GULP1: variants seen among roughly 807,000 people sequenced by gnomAD.
GULP1 encodes the protein GULP PTB domain containing engulfment adaptor 1.
GULP1 carries 19 observed loss-of-function variants against 40.9 expected under a neutral mutation model. The observed-to-expected ratio is 0.46, with a 90% CI of 0.32 to 0.68. The LOEUF (loss-of-function observed/expected upper bound fraction) is 0.68. GULP1 is among the 30% of genes least tolerant of loss of function. GULP1 has a pLI of 0.03. For synonymous variants in GULP1, 119 were observed against 117.6 expected, an observed-to-expected ratio of 1.01 and a Z score of -0.08; for missense variants, 312 against 362.2, an observed-to-expected ratio of 0.86 and a Z score of 1.12.
At chr2:188,542,125 A>T (rs1690687770) in intron 7 of GULP1, 1 of 152,006 alleles carries the variant, frequency 6.6e-6, no homozygotes, top group Non-Finnish European at 1.5e-5. Flanking sequence ...AAAAAAAACA[A>T]CTTAAAATAA....
chr2:188,321,488 G>C (rs74739385), intron 1 of GULP1, among the ~76,000 whole-genome samples: 1 of 152,002 alleles, frequency 6.6e-6, no homozygotes, highest in African/African-American at 2.4e-5. Context: ...AAAAGATAAC[G>C]TTCTGATGAA....
chr2:188,443,471 T>C (rs1012154857), intron 2 of GULP1, among the ~76,000 whole-genome samples: 46 of 152,192 alleles, frequency 3.0e-4, no homozygotes, highest in Admixed American at 2.0e-3. Context: ...TGGCTACCAT[T>C]TCACCATAAG....
Position 188,382,530 on chromosome 2 carries a change from G to A in GULP1, c.-171-1233G>A, listed in dbSNP as rs535714344. Among the ~76,000 whole-genome samples, 21 of 152,270 alleles carry A rather than the reference G, an allele frequency of 1.4e-4. No homozygotes were observed. In the East Asian group the frequency reaches 3.7e-3, roughly 27 times the overall value. On this transcript the variant is annotated intron_variant, in intron 1 of 11. Coordinates refer to ENST00000409830, the MANE Select transcript of GULP1 (RefSeq NM_016315.4). ...GCATTGAAGTTATTATTACCTCAGT[G>A]TTTGCCTCTGGGGCAACCTAAACTG...
At chr2:188,532,204 A>G (rs532656293) in intron 6 of GULP1, among the ~76,000 whole-genome samples, 1 of 152,304 alleles carries the variant, frequency 6.6e-6, no homozygotes, top group South Asian at 2.1e-4. Context: ...ACCATAATTT[A>G]CCAAATTATT....
At chr2:188,296,564 T>G (rs1432334434) in intron 1 of GULP1, among the ~76,000 whole-genome samples, 1 of 116,548 alleles carries the variant, frequency 8.6e-6, no homozygotes, top group Non-Finnish European at 1.7e-5. Flanking sequence ...TGTCTTTCAG[T>G]GTAGTATACT....
chr2:188,563,691 A>G (rs1034657145), intron 7 of GULP1, among the ~76,000 whole-genome samples: 3 of 151,840 alleles, frequency 2.0e-5, no homozygotes, highest in African/African-American at 7.2e-5. Flanking sequence ...CACTATTAAA[A>G]TCTGTAAAAC....
At chr2:188,559,234 A>G (rs943553489) in intron 7 of GULP1, among the ~76,000 whole-genome samples, 2 of 152,104 alleles carry the variant, frequency 1.3e-5, no homozygotes, top group Admixed American at 6.5e-5. Flanking sequence ...GGTGCCCTGC[A>G]TCCCAGTTAC....
At chr2:188,347,877 A>G (rs1390487010) in intron 1 of GULP1, among the ~76,000 whole-genome samples, 1 of 152,148 alleles carries the variant, frequency 6.6e-6, no homozygotes, top group African/African-American at 2.4e-5. Context: ...CTGGGACTTT[A>G]AAAGCCCTGG....
chr2:188,457,641 A>G (rs2059375435), intron 2 of GULP1, among the ~76,000 whole-genome samples: 1 of 152,224 alleles, frequency 6.6e-6, no homozygotes, highest in Non-Finnish European at 1.5e-5. Flanking sequence ...GAAGAGGAAC[A>G]TAACTGATGT....
intron 1 of GULP1, among the ~76,000 whole-genome samples, chr2:188,302,157 T>C (rs2106101527): frequency 6.6e-6 from 1 of 152,282 alleles, no homozygotes; most frequent in South Asian, 2.1e-4. Context: ...TGGTTAGTGC[T>C]ATTAGTCTAT....
intron 1 of GULP1, among the ~76,000 whole-genome samples, chr2:188,339,861 T>G (rs1445895557): frequency 2.0e-5 from 3 of 152,190 alleles, no homozygotes; most frequent in African/African-American, 7.2e-5. Context: ...CATCCTTATT[T>G]GTAAAATAGG....
intron 9 of GULP1, among the ~76,000 whole-genome samples, chr2:188,581,967 A>G (rs1701419135): frequency 6.6e-6 from 1 of 152,152 alleles, no homozygotes; most frequent in Non-Finnish European, 1.5e-5. Context: ...CTAGTTCTGT[A>G]ACTGTTCTCT....
chr2:188,499,769 A>C (rs898836203), intron 4 of GULP1, among the ~76,000 whole-genome samples: 4 of 151,858 alleles, frequency 2.6e-5, no homozygotes, highest in Non-Finnish European at 5.9e-5. Flanking sequence ...AGGAATATAT[A>C]GTCTACCTAT....
At chr2:188,540,598 A>G (rs1347472093) in intron 6 of GULP1, among the ~76,000 whole-genome samples, 1 of 152,042 alleles carries the variant, frequency 6.6e-6, no homozygotes, top group African/African-American at 2.4e-5. Flanking sequence ...AGAAGTTCCA[A>G]AGATGAGCTT....
intron 3 of GULP1, among the ~76,000 whole-genome samples, chr2:188,482,036 G>A (rs2061485033): frequency 1.3e-5 from 2 of 151,788 alleles, no homozygotes; most frequent in Non-Finnish European, 2.9e-5. Context: ...AATATTTTTT[G>A]AAGCTTAGAA....
intron 4 of GULP1, among the ~76,000 whole-genome samples, chr2:188,501,505 A>G (rs73042416): frequency 0.013 from 1,928 of 151,920 alleles, 40 homozygotes; most frequent in African/African-American, 0.044. Flanking sequence ...GCCAGAAGTT[A>G]CAGTTTGTTA....
intron 1 of GULP1, among the ~76,000 whole-genome samples, chr2:188,323,664 GTGTGTGTGTGTGTGTGTGTGTGTGTA>G (rs1306369783): frequency 1.8e-5 from 2 of 109,082 alleles, no homozygotes; most frequent in African/African-American, 7.1e-5. Context: ...GTGTGTGTGT[GTGTGTGTGTGTGTGTGTGTGTGTGTA>G]TGTGTGTACA....
intron 7 of GULP1, among the ~76,000 whole-genome samples, chr2:188,547,650 A>G (rs1692329844): frequency 6.6e-6 from 1 of 152,172 alleles, no homozygotes; most frequent in Non-Finnish European, 1.5e-5. Flanking sequence ...TGCCTTTTCC[A>G]GCCCACTGAC....
chr2:188,492,041 GA>G (rs1168939761), intron 4 of GULP1, among the ~76,000 whole-genome samples: 1 of 151,910 alleles, frequency 6.6e-6, no homozygotes, highest in African/African-American at 2.4e-5. Context: ...ATAGACTCCA[GA>G]TAGTATATCA....
Sources: allele counts gnomAD v4.1 joint callset (sites outside exome capture counted in the v4.1 genomes callset), GRCh38; gene constraint gnomAD v4.1.1; transcripts MANE v1.5; gene names NCBI Gene and HGNC (gene_info 2026-07-23, HGNC 2026-07-21).